TENT5D: variants seen among roughly 807,000 people sequenced by gnomAD.
TENT5D encodes cancer/testis antigen 112.
For missense variants in TENT5D, 191 were observed against 287.0 expected (o/e 0.67, Z 2.42); for synonymous variants, 103 against 100.6 (o/e 1.02, Z -0.15).
intron 3 of TENT5D, among the ~76,000 whole-genome samples, chrX:80,396,880 G>T (rs112572766): frequency 7.9e-4 from 2 of 2,530 alleles, no homozygotes; most frequent in African/African-American, 3.1e-3. Flanking sequence ...CCTCCCAGAC[G>T]GGGTGGCTGG....
intron 2 of TENT5D, among the ~76,000 whole-genome samples, chrX:80,441,560 G>C (rs1182606003): frequency 4.5e-5 from 5 of 111,182 alleles, no homozygotes; most frequent in African/African-American, 1.6e-4. Flanking sequence ...TGTCCATGTT[G>C]AATGTTATTT....
chrX:80,397,781 A>C (rs1454074806), intron 3 of TENT5D, among the ~76,000 whole-genome samples: 5 of 112,011 alleles, frequency 4.5e-5, no homozygotes, highest in Non-Finnish European at 9.4e-5. Flanking sequence ...ATACGAAAAC[A>C]AGTCAGGCGT....
At chrX:80,385,292 G>C (rs958502358) in intron 3 of TENT5D, among the ~76,000 whole-genome samples, 1 of 111,075 alleles carries the variant, frequency 9.0e-6, no homozygotes, top group East Asian at 2.8e-4. Flanking sequence ...TCTGATCCTT[G>C]ACAAACCTGA....
At chrX:80,337,348 C>T (rs1032387126) in intron 2 of TENT5D, among the ~76,000 whole-genome samples, 5 of 111,565 alleles carry the variant, frequency 4.5e-5, no homozygotes, top group African/African-American at 1.6e-4. Flanking sequence ...CTTGTATACT[C>T]CTTTCTAATC....
At chrX:80,353,479 G>A (rs1318079899) in intron 3 of TENT5D, among the ~76,000 whole-genome samples, 1 of 110,987 alleles carries the variant, frequency 9.0e-6, no homozygotes, top group Non-Finnish European at 1.9e-5. Context: ...GCCCTTCTTT[G>A]TGTCTATGTG....
intron 3 of TENT5D, among the ~76,000 whole-genome samples, chrX:80,370,029 C>T (rs1930592648): frequency 9.0e-6 from 1 of 110,923 alleles, no homozygotes; most frequent in South Asian, 3.9e-4. Context: ...CTCAAGGGAT[C>T]CTTCCACCTC....
intron 3 of TENT5D, among the ~76,000 whole-genome samples, chrX:80,352,737 A>C (rs1194236837): frequency 2.8e-5 from 3 of 107,647 alleles, no homozygotes; most frequent in African/African-American, 6.7e-5. Flanking sequence ...AAAAAAAAAA[A>C]AAAAAAAAAC....
chrX:80,372,871 A>T (rs1259379425), intron 3 of TENT5D, among the ~76,000 whole-genome samples: 5 of 92,842 alleles, frequency 5.4e-5, no homozygotes, highest in Non-Finnish European at 1.1e-4. Flanking sequence ...TGGGCAACAG[A>T]GCGAGACTCT....
intron 3 of TENT5D, among the ~76,000 whole-genome samples, chrX:80,345,455 A>G (rs1266119646): frequency 9.0e-6 from 1 of 111,358 alleles, no homozygotes; most frequent in African/African-American, 3.3e-5. Context: ...TTGACCTGAG[A>G]CATCTTTCTT....
At chrX:80,382,491 G>C (rs1394785469) in intron 3 of TENT5D, among the ~76,000 whole-genome samples, 1 of 112,020 alleles carries the variant, frequency 8.9e-6, no homozygotes, top group Non-Finnish European at 1.9e-5. Flanking sequence ...CAAACACTGT[G>C]CTGGGAGAAC....
intron 1 of TENT5D, among the ~76,000 whole-genome samples, chrX:80,427,598 A>G (rs1448587880): frequency 8.9e-6 from 1 of 111,797 alleles, no homozygotes; most frequent in African/African-American, 3.2e-5. Context: ...CTCTTCTTAA[A>G]TAGACATTAC....
chrX:80,389,192 A>G (rs1232384963), intron 3 of TENT5D, among the ~76,000 whole-genome samples: 1 of 111,714 alleles, frequency 9.0e-6, no homozygotes, highest in East Asian at 2.8e-4. Flanking sequence ...TTAAGACCAG[A>G]TACTGTGATC....
chrX:80,363,596 A>G (rs1224475020), intron 3 of TENT5D, among the ~76,000 whole-genome samples: 2 of 112,270 alleles, frequency 1.8e-5, no homozygotes, highest in Admixed American at 9.5e-5. Flanking sequence ...AATGTGCCGT[A>G]AAGTTCGAAA....
intron 3 of TENT5D, among the ~76,000 whole-genome samples, chrX:80,408,851 A>T (rs1392725989): frequency 9.0e-6 from 1 of 110,504 alleles, no homozygotes; most frequent in Admixed American, 9.7e-5. Flanking sequence ...AATCCTCAAT[A>T]AAATACTGGC....
intron 3 of TENT5D, among the ~76,000 whole-genome samples, chrX:80,393,663 C>T (rs1057318618): frequency 3.6e-5 from 4 of 111,265 alleles, no homozygotes; most frequent in Admixed American, 2.9e-4. Flanking sequence ...AAATTTATTC[C>T]TCTTATCTAA....
intron 3 of TENT5D, among the ~76,000 whole-genome samples, chrX:80,346,776 G>A (rs925752795): frequency 6.3e-5 from 7 of 110,257 alleles, no homozygotes; most frequent in African/African-American, 1.7e-4. Context: ...TCATCATCTC[G>A]GTTTTCAGCC....
chrX:80,420,639 A>G (rs1292764855), intron 1 of TENT5D, 76 bp downstream of exon 1: 1 of 112,190 alleles, frequency 8.9e-6, no homozygotes, highest in Non-Finnish European at 1.9e-5. Context: ...CGTTTAATTT[A>G]TATTTTGTCC....
intron 3 of TENT5D, among the ~76,000 whole-genome samples, chrX:80,366,474 CTGT>C (rs1187084850): frequency 9.0e-6 from 1 of 111,183 alleles, no homozygotes; most frequent in African/African-American, 3.3e-5. Flanking sequence ...AAGTTTTTGC[CTGT>C]TATCATTTTA....
intron 1 of TENT5D, among the ~76,000 whole-genome samples, chrX:80,427,284 TA>T (rs1932005337): frequency 1.3e-4 from 1 of 7,813 alleles, no homozygotes; most frequent in African/African-American, 4.8e-4. Context: ...ATTAGAGGCA[TA>T]TGGTTACTTT....
Sources: gnomAD v4.1 joint callset for allele counts (sites outside exome capture counted in the v4.1 genomes callset) on GRCh38, gnomAD v4.1.1 for gene constraint, MANE v1.5 for transcripts, NCBI Gene and HGNC (gene_info 2026-07-23, HGNC 2026-07-21) for gene names.